PCDHA2: variants seen among roughly 807,000 people sequenced by gnomAD.
PCDHA2 encodes the protein protocadherin alpha 2.
Under a neutral mutation model 66.0 loss-of-function variants are expected in PCDHA2, and 58 were observed. The ratio of observed to expected loss-of-function variants is 0.88; its 90% confidence interval spans 0.71 to 1.09. The LOEUF is 1.09. Ranked by LOEUF, PCDHA2 falls within the 50% of genes least tolerant of loss-of-function variation. The pLI is 0.00. For missense variants in PCDHA2, 1,267 were observed against 1,242.3 expected (o/e 1.02, Z -0.30); for synonymous variants, 634 against 554.0 (o/e 1.14, Z -2.03).
intron 1 of PCDHA2, among the ~76,000 whole-genome samples, chr5:140,897,779 G>T (rs1157810079): frequency 6.6e-6 from 1 of 152,138 alleles, no homozygotes; most frequent in Non-Finnish European, 1.5e-5. Flanking sequence ...CTTCCACAAT[G>T]GTTGAACTAG....
intron 1 of PCDHA2, among the ~76,000 whole-genome samples, chr5:140,833,122 G>T (rs1772311548): frequency 6.6e-6 from 1 of 152,190 alleles, no homozygotes; most frequent in Non-Finnish European, 1.5e-5. Context: ...AAAGTCATTT[G>T]AAAGCTGTCA....
chr5:140,843,697 T>G, intron 1 of PCDHA2: 1 of 1,583,576 alleles, frequency 6.3e-7, no homozygotes, highest in Non-Finnish European at 8.7e-7. Flanking sequence ...AAGATTTAAA[T>G]GTTGATCATG....
At chr5:140,877,299 C>G (rs374061607) in intron 1 of PCDHA2, 2 of 1,613,924 alleles carry the variant, frequency 1.2e-6, no homozygotes, top group Admixed American at 1.7e-5. Context: ...GGCTGTCCTA[C>G]GAGTTGCAAC....
chr5:140,843,337 C>A lies in PCDHA2; in HGVS notation c.2388+45985C>A, dbSNP rs2150357766. On this transcript the variant is annotated intron_variant, in intron 1 of 3. Coordinates refer to ENST00000526136, the MANE Select transcript of PCDHA2 (RefSeq NM_018905.3). ...CGGTTCTGGTGTCGCTGGTGGAGAGCGGCCAGGCTCCAAAAGCGTCATCGA... is the reference window on the plus strand; with the variant it reads ...CGGTTCTGGTGTCGCTGGTGGAGAGAGGCCAGGCTCCAAAAGCGTCATCGA... 16 of 1,596,000 alleles carry A rather than the reference C, an allele frequency of 1.0e-5. 3 individuals carry two copies. Among genetic ancestry groups the A allele is most frequent in the Non-Finnish European group, 1.2e-5 (14 of 1,165,568 alleles).
At chr5:140,894,414 C>A (rs1554186083) in intron 1 of PCDHA2, among the ~76,000 whole-genome samples, 2 of 151,928 alleles carry the variant, frequency 1.3e-5, no homozygotes, top group African/African-American at 4.8e-5. Flanking sequence ...TCTTTTGTAG[C>A]TAACACTCCT....
At chr5:140,836,672 C>G (rs2150267448) in intron 1 of PCDHA2, 2 of 1,613,274 alleles carry the variant, frequency 1.2e-6, no homozygotes, top group Non-Finnish European at 1.7e-6. Context: ...CTGGGGAGGG[C>G]CCACCCAAGA....
At chr5:140,808,617 T>G in intron 1 of PCDHA2, 1 of 1,613,786 alleles carries the variant, frequency 6.2e-7, no homozygotes, top group South Asian at 1.1e-5. Context: ...ATCTTCACTG[T>G]GTCTGCGTGG....
In PCDHA2 at chr5:140,904,790, G is replaced by T. The variant is rs139747501; in HGVS notation, c.2389-74159G>T. 2.6e-3 allele frequency among the ~76,000 whole-genome samples: 392 copies of T among 152,018 alleles called. 4 individuals carry two copies. In the East Asian group the frequency reaches 0.045, roughly 17 times the overall value. The stretch of plus-strand genomic sequence containing the variant: ...TGGTATCACATTATTGTTTTAATTT[G>T]CATTTTCCTGATAATTAGTGATGTT... On this transcript the variant is annotated intron_variant, in intron 1 of 3. Coordinates refer to ENST00000526136, the MANE Select transcript of PCDHA2 (RefSeq NM_018905.3).
intron 3 of PCDHA2, chr5:140,989,000 GAGACTTATTAT>G (rs2097324899): frequency 6.6e-6 from 1 of 152,202 alleles, no homozygotes; most frequent in Non-Finnish European, 1.5e-5. Flanking sequence ...TAAGGAAATA[GAGACTTATTAT>G]AGTTTCTTCA....
At chr5:140,969,112 A>G (rs781784282) in intron 1 of PCDHA2, 4 of 1,614,022 alleles carry the variant, frequency 2.5e-6, no homozygotes, top group Admixed American at 3.3e-5. Context: ...TTGAAGTTCG[A>G]GGGAATGGCT....
intron 1 of PCDHA2, among the ~76,000 whole-genome samples, chr5:140,941,207 CT>C (rs880001940): frequency 0.13 from 13,079 of 103,138 alleles, 665 homozygotes; most frequent in African/African-American, 0.21. Context: ...TTCTTCCTTT[CT>C]TTCTTCCTTT....
rs782467193 is a variant in PCDHA2, at chr5:140,884,498, G to A, written c.2388+87146G>A. 8.1e-6 allele frequency: 13 copies of A among 1,613,958 alleles called. No homozygotes were observed. The Admixed American group carries it at 8.3e-5, about 10-fold the overall frequency. On this transcript the variant is annotated intron_variant, in intron 1 of 3. Transcript: ENST00000526136. ...CAAGCCCACTCTAGTGTGCTCCAGC[G>A]CGGCAGGGAGTTGGTCGTACTCGCA...
Position 141,009,783 on chromosome 5 carries a change from G to C in PCDHA2, c.2693G>C (p.Arg898Pro). The part of the protein sequence containing the change: ...IPGSPAIISI[R>P]QEPTNSQIDK... The stretch of plus-strand genomic sequence containing the variant: ...GGATCTCCTGCAATCATCTCCATCC[G>C]GCAGGAGCCTACTAACAGCCAAATT... Residue 898 changes from arginine (R) to proline (P), a missense_variant, in exon 4 of 4, where the codon CGG (arginine) becomes CCG (proline). Arg to Pro is a moderately radical substitution (Grantham distance 103). Coordinates refer to ENST00000526136, the MANE Select transcript of PCDHA2 (RefSeq NM_018905.3). 2 of 1,614,000 alleles carry C rather than the reference G, an allele frequency of 1.2e-6. No homozygotes were observed. The highest frequency in any genetic ancestry group is 1.7e-6 in the Non-Finnish European group (2 of 1,180,008).
intron 1 of PCDHA2, among the ~76,000 whole-genome samples, chr5:140,831,600 T>G (rs1316984188): frequency 2.0e-5 from 3 of 150,404 alleles, no homozygotes; most frequent in Non-Finnish European, 2.9e-5. Flanking sequence ...TGGGTGCAAG[T>G]GATCTGCCCA....
chr5:140,890,966 T>C (rs2062882231), intron 1 of PCDHA2, among the ~76,000 whole-genome samples: 1 of 152,206 alleles, frequency 6.6e-6, no homozygotes, highest in African/African-American at 2.4e-5. Flanking sequence ...TCAGGTTTTG[T>C]TTTTCTGAAA....
intron 1 of PCDHA2, among the ~76,000 whole-genome samples, chr5:140,916,262 G>C (rs1379588605): frequency 6.6e-6 from 1 of 152,202 alleles, no homozygotes; most frequent in Non-Finnish European, 1.5e-5. Flanking sequence ...GACCCCAAGA[G>C]CATGCTTGTT....
At chr5:140,800,946 C>A (rs1325575166) in intron 1 of PCDHA2, 1 of 1,055,256 alleles carries the variant, frequency 9.5e-7, no homozygotes, top group Non-Finnish European at 1.2e-6. Flanking sequence ...AAAGTTCAAA[C>A]GACATACAAG....
chr5:140,836,604 T>C (rs2150265296), intron 1 of PCDHA2: 1 of 1,613,700 alleles, frequency 6.2e-7, no homozygotes, highest in African/African-American at 1.3e-5. Flanking sequence ...CACTCTGGTG[T>C]GCTCCAGCGC....
intron 1 of PCDHA2, chr5:140,803,526 C>A: frequency 6.2e-7 from 1 of 1,614,218 alleles, no homozygotes; most frequent in Non-Finnish European, 8.5e-7. Context: ...CCCTAGCCTT[C>A]CTCCTTGTCC....
Sources: allele counts gnomAD v4.1 joint callset (sites outside exome capture counted in the v4.1 genomes callset), GRCh38; gene constraint gnomAD v4.1.1; transcripts MANE v1.5; gene names NCBI Gene and HGNC (gene_info 2026-07-23, HGNC 2026-07-21).